HDAC8: variants seen among roughly 807,000 people sequenced by gnomAD.
The protein encoded by HDAC8 is histone deacetylase-like 1.
In HDAC8, 1 loss-of-function variant was observed where a neutral mutation model predicts 32.2. That is an observed-to-expected ratio of 0.03 (90% CI 0.01 to 0.15). HDAC8 has a LOEUF of 0.15. Ranked by LOEUF, HDAC8 falls within the 10% of genes least tolerant of loss-of-function variation. The pLI, the probability that HDAC8 is intolerant of heterozygous loss-of-function variation, is 1.00. For synonymous variants in HDAC8, 108 were observed against 113.9 expected, an observed-to-expected ratio of 0.95 and a Z score of 0.33; for missense variants, 117 against 300.0, an observed-to-expected ratio of 0.39 and a Z score of 4.51.
intron 10 of HDAC8, among the ~76,000 whole-genome samples, chrX:72,347,230 T>C (rs1032280830): frequency 9.8e-5 from 11 of 111,874 alleles, no homozygotes; most frequent in African/African-American, 3.6e-4. Flanking sequence ...ATCTGTGTTG[T>C]TTCTGTCCAC....
At chrX:72,489,633 T>C (rs1045107185) in intron 6 of HDAC8, among the ~76,000 whole-genome samples, 2 of 110,213 alleles carry the variant, frequency 1.8e-5, no homozygotes, top group Non-Finnish European at 3.8e-5. Flanking sequence ...ACGTTAGACC[T>C]AAAACCATAA....
chrX:72,479,077 C>T (rs2048422707), intron 7 of HDAC8, among the ~76,000 whole-genome samples: 1 of 111,929 alleles, frequency 8.9e-6, no homozygotes, highest in Non-Finnish European at 1.9e-5. Flanking sequence ...AGGTGCTGGA[C>T]ACTGGGTTTA....
At chrX:72,535,615 T>C (rs1377461437) in intron 4 of HDAC8, among the ~76,000 whole-genome samples, 1 of 111,843 alleles carries the variant, frequency 8.9e-6, no homozygotes, top group Non-Finnish European at 1.9e-5. Context: ...ATTGTATAAA[T>C]AGTAATACTA....
intron 4 of HDAC8, among the ~76,000 whole-genome samples, chrX:72,544,382 A>G (rs1475323525): frequency 9.0e-6 from 1 of 111,387 alleles, no homozygotes; most frequent in African/African-American, 3.3e-5. Context: ...AATAAGCAAG[A>G]CTTTAAGCTA....
chrX:72,531,871 T>C (rs189178965), intron 4 of HDAC8, among the ~76,000 whole-genome samples: 4 of 112,350 alleles, frequency 3.6e-5, no homozygotes, highest in Admixed American at 1.9e-4. Flanking sequence ...AATTCATCAA[T>C]TGATGCACAT....
At chrX:72,333,575 C>T (rs1555941341) in intron 10 of HDAC8, among the ~76,000 whole-genome samples, 1 of 109,569 alleles carries the variant, frequency 9.1e-6, no homozygotes, top group African/African-American at 3.3e-5. Context: ...CCTGTAACCC[C>T]AGCTACTGGG....
chrX:72,473,338 C>T (rs1229839769), intron 7 of HDAC8: 1 of 112,109 alleles, frequency 8.9e-6, no homozygotes, highest in Non-Finnish European at 1.9e-5. Context: ...TACATGTCTA[C>T]ATCACAGCCA....
intron 9 of HDAC8, among the ~76,000 whole-genome samples, chrX:72,428,899 G>A (rs939600560): frequency 9.0e-6 from 1 of 111,717 alleles, no homozygotes; most frequent in East Asian, 2.8e-4. Flanking sequence ...TCCTATGGAC[G>A]TAGATAAGTT....
intron 9 of HDAC8, among the ~76,000 whole-genome samples, chrX:72,452,046 C>T (rs1423674686): frequency 8.9e-6 from 1 of 112,444 alleles, no homozygotes; most frequent in Non-Finnish European, 1.9e-5. Context: ...TAGAAATATA[C>T]GTAGAAGTCT....
intron 4 of HDAC8, among the ~76,000 whole-genome samples, chrX:72,501,152 T>C (rs1240487578): frequency 1.8e-5 from 2 of 111,987 alleles, no homozygotes; most frequent in African/African-American, 6.5e-5. Context: ...CATCCCATGC[T>C]CATGGATAGG....
intron 9 of HDAC8, among the ~76,000 whole-genome samples, chrX:72,450,382 G>A (rs1309659588): frequency 9.0e-6 from 1 of 111,721 alleles, no homozygotes; most frequent in African/African-American, 3.2e-5. Context: ...AATTGCCTAT[G>A]CACACACAGG....
chrX:72,441,862 C>A (rs1292582787), intron 9 of HDAC8, among the ~76,000 whole-genome samples: 2 of 111,720 alleles, frequency 1.8e-5, no homozygotes, highest in African/African-American at 6.5e-5. Flanking sequence ...AGCTGAAAGC[C>A]AAGGCTCGAG....
chrX:72,499,757 C>G (rs2049145454), intron 4 of HDAC8, among the ~76,000 whole-genome samples: 2 of 111,033 alleles, frequency 1.8e-5, no homozygotes, highest in African/African-American at 6.5e-5. Context: ...AAATCAACCC[C>G]AAAGCTAGCA....
intron 4 of HDAC8, among the ~76,000 whole-genome samples, chrX:72,519,682 C>T (rs148518878): frequency 2.0e-3 from 225 of 111,528 alleles, no homozygotes; most frequent in African/African-American, 6.9e-3. Context: ...CTCAACCTCC[C>T]GGGCTCAAGT....
At chrX:72,559,331 C>G (rs1394344168) in intron 4 of HDAC8, among the ~76,000 whole-genome samples, 2 of 109,580 alleles carry the variant, frequency 1.8e-5, no homozygotes, top group Non-Finnish European at 3.8e-5. Flanking sequence ...CTCGGCCTCC[C>G]GAGGTGCCGG....
intron 9 of HDAC8, among the ~76,000 whole-genome samples, chrX:72,412,411 C>T (rs1437919350): frequency 9.0e-6 from 1 of 111,480 alleles, no homozygotes; most frequent in Non-Finnish European, 1.9e-5. Context: ...TTCTCACTTC[C>T]CTTTGAAATG....
chrX:72,527,575 A>C (rs2050191854), intron 4 of HDAC8, among the ~76,000 whole-genome samples: 2 of 111,153 alleles, frequency 1.8e-5, no homozygotes, highest in Admixed American at 9.6e-5. Flanking sequence ...AATGACCGAA[A>C]CAAGTATTTA....
intron 9 of HDAC8, among the ~76,000 whole-genome samples, chrX:72,407,584 C>A (rs2046080426): frequency 8.9e-6 from 1 of 111,781 alleles, no homozygotes; most frequent in African/African-American, 3.3e-5. Flanking sequence ...GCAGGAAAGA[C>A]ACAGAAATGC....
chrX:72,376,379 A>T (rs1379165295), intron 9 of HDAC8, among the ~76,000 whole-genome samples: 3 of 111,475 alleles, frequency 2.7e-5, no homozygotes, highest in Non-Finnish European at 5.7e-5. Flanking sequence ...CTGTTTTTCT[A>T]TTCTTTATTT....
Sources: allele counts gnomAD v4.1 joint callset (sites outside exome capture counted in the v4.1 genomes callset), GRCh38; gene constraint gnomAD v4.1.1; transcripts MANE v1.5; gene names NCBI Gene and HGNC (gene_info 2026-07-23, HGNC 2026-07-21).